Variants in RBFOX1 observed in about 807,000 individuals in gnomAD.
RBFOX1 encodes RNA binding fox-1 homolog 1.
RBFOX1 carries 8 observed loss-of-function variants against 57.7 expected under a neutral mutation model. The ratio of observed to expected loss-of-function variants is 0.14; its 90% CI spans 0.08 to 0.25. The LOEUF is 0.25. Ranked by LOEUF, RBFOX1 falls within the 10% of genes least tolerant of loss-of-function variation. The pLI is 1.00. For missense variants in RBFOX1, 611 were observed against 548.5 expected (o/e 1.11, Z -1.14); for synonymous variants, 326 against 222.4 (o/e 1.47, Z -4.15).
At chr16:6,069,205 C>A (rs1427508484) in intron 1 of RBFOX1, among the ~76,000 whole-genome samples, 1 of 151,960 alleles carries the variant, frequency 6.6e-6, no homozygotes, top group Admixed American at 6.6e-5. Flanking sequence ...TGGAGACCAG[C>A]CTGACCAATA....
chr16:7,697,605 C>T (rs1209799713), intron 14 of RBFOX1, among the ~76,000 whole-genome samples: 1 of 151,948 alleles, frequency 6.6e-6, no homozygotes, highest in Non-Finnish European at 1.5e-5. Flanking sequence ...AGGTGTTATC[C>T]CCATTTTGGA....
At chr16:5,474,274 A>T (rs1442325424) in intron 2 of RBFOX1, among the ~76,000 whole-genome samples, 3 of 152,230 alleles carry the variant, frequency 2.0e-5, no homozygotes, top group African/African-American at 7.2e-5. Flanking sequence ...TTCCACTTAC[A>T]CTATAGGCTG....
At chr16:7,705,444 G>C (rs1400956999) in intron 14 of RBFOX1, among the ~76,000 whole-genome samples, 2 of 151,716 alleles carry the variant, frequency 1.3e-5, no homozygotes, top group African/African-American at 2.4e-5. Context: ...GACGGAGCTT[G>C]CAGTGAGCCA....
At chr16:5,591,694 C>G (rs980346488) in intron 2 of RBFOX1, among the ~76,000 whole-genome samples, 2 of 152,160 alleles carry the variant, frequency 1.3e-5, no homozygotes, top group Non-Finnish European at 2.9e-5. Context: ...GTTTTCTCCC[C>G]GTCATTCCAT....
chr16:6,258,380 T>C (rs1159205935), intron 1 of RBFOX1, among the ~76,000 whole-genome samples: 1 of 152,230 alleles, frequency 6.6e-6, no homozygotes, highest in African/African-American at 2.4e-5. Flanking sequence ...GTTCATTGTG[T>C]TTCTAAAACA....
rs566233130 is a variant in RBFOX1, at chr16:7,033,720, G to A, written c.-15-18337G>A. On this transcript the variant is annotated intron_variant, in intron 3 of 15. Transcript: ENST00000550418. Reference sequence around the variant, plus strand: ...CAGTAGAAAGACATTTTGTCCGGGCGTGGCGACTTATGCCTGTAATCCCAG... The same window carrying A: ...CAGTAGAAAGACATTTTGTCCGGGCATGGCGACTTATGCCTGTAATCCCAG... Among the ~76,000 whole-genome samples the A allele has an allele frequency of 4.6e-5, 7 of 152,258 alleles. No individual in the cohort carries two copies. In the South Asian group the frequency reaches 8.3e-4, roughly 18 times the overall value.
At chr16:7,344,358 T>C (rs972609482) in intron 4 of RBFOX1, among the ~76,000 whole-genome samples, 1 of 150,246 alleles carries the variant, frequency 6.7e-6, no homozygotes. Context: ...ATTTTATATT[T>C]TATATTATTT....
chr16:5,650,512 A>G (rs183676874), intron 3 of RBFOX1, among the ~76,000 whole-genome samples: 1 of 152,194 alleles, frequency 6.6e-6, no homozygotes, highest in Non-Finnish European at 1.5e-5. Context: ...GTGATTAGTT[A>G]TAGGAAAATC....
chr16:6,161,127 G>C (rs565983605), intron 1 of RBFOX1, among the ~76,000 whole-genome samples: 1 of 152,280 alleles, frequency 6.6e-6, no homozygotes, highest in East Asian at 1.9e-4. Context: ...AGTGACTCAT[G>C]CTTGTCATCC....
chr16:6,096,419 C>T (rs780192829), intron 1 of RBFOX1, among the ~76,000 whole-genome samples: 7 of 152,160 alleles, frequency 4.6e-5, no homozygotes, highest in South Asian at 4.1e-4. Flanking sequence ...TTTGTGTAGC[C>T]GTGACAGCAT....
chr16:6,906,641 G>C (rs12444558), intron 3 of RBFOX1, among the ~76,000 whole-genome samples: 42,947 of 151,672 alleles, frequency 0.28, 6,269 homozygotes, highest in East Asian at 0.43. Context: ...CAGGAACAGC[G>C]TTTTCTTCAT....
At chr16:7,206,932 C>T (rs1261176136) in intron 4 of RBFOX1, among the ~76,000 whole-genome samples, 1 of 152,186 alleles carries the variant, frequency 6.6e-6, no homozygotes, top group East Asian at 1.9e-4. Context: ...TGGTCTGTTT[C>T]TGTTCTGTGT....
intron 3 of RBFOX1, among the ~76,000 whole-genome samples, chr16:6,886,481 G>A (rs568276502): frequency 1.7e-4 from 26 of 152,116 alleles, no homozygotes; most frequent in Non-Finnish European, 2.2e-4. Context: ...GGCCCAGCGC[G>A]GTGGCTCACA....
intron 2 of RBFOX1, among the ~76,000 whole-genome samples, chr16:6,529,421 T>G (rs945784734): frequency 6.6e-6 from 1 of 151,960 alleles, no homozygotes; most frequent in Non-Finnish European, 1.5e-5. Context: ...CAGTTGGGTG[T>G]GGTGGCACAC....
intron 3 of RBFOX1, among the ~76,000 whole-genome samples, chr16:5,756,256 C>G (rs1319188607): frequency 2.1e-5 from 3 of 145,192 alleles, no homozygotes; most frequent in Non-Finnish European, 4.5e-5. Context: ...AAACCCTGCA[C>G]CACCTCCTGC....
rs370836208 is a variant in RBFOX1 at position 6,644,939 on chromosome 16, C to T, written c.-63-9664C>T. 2.3e-4 allele frequency among the ~76,000 whole-genome samples: 35 copies of T among 152,258 alleles called. No individual in the cohort carries two copies. In the East Asian group the frequency reaches 5.2e-3, roughly 23 times the overall value. On this transcript the variant is annotated intron_variant, in intron 2 of 15. Transcript: ENST00000550418. ...CTCTGTATTTATTTTCTATGACTTC[C>T]GTAGCAAATCATCACAATCTAGGTG... is the stretch of plus-strand genomic sequence containing the variant.
At chr16:7,519,662 C>T in intron 5 of RBFOX1, 2 of 984,526 alleles carry the variant, frequency 2.0e-6, no homozygotes, top group South Asian at 4.7e-5. Context: ...CTGCAGAATT[C>T]TTTAGAAGCT....
intron 2 of RBFOX1, among the ~76,000 whole-genome samples, chr16:6,618,107 T>A (rs900859646): frequency 3.9e-5 from 6 of 152,034 alleles, no homozygotes; most frequent in Non-Finnish European, 8.8e-5. Context: ...TCCCCTTTCT[T>A]CCACCTTATC....
At position 5,669,922 on chromosome 16, in the gene RBFOX1, A is replaced by G. The variant is rs189693774; in HGVS notation, c.318+70961A>G. Among the ~76,000 whole-genome samples the G allele has an allele frequency of 5.2e-5, 8 of 152,382 alleles. No homozygotes were observed. In the East Asian group the frequency reaches 1.5e-3, roughly 29 times the overall value. ...ACATTGTTCACAATATCCAAAAGGTAGAAACTAATCAAAAGCCCATCGAGG... is the reference window on the plus strand; with the variant it reads ...ACATTGTTCACAATATCCAAAAGGTGGAAACTAATCAAAAGCCCATCGAGG... On this transcript the variant is annotated intron_variant, in intron 3 of 19. Coordinates refer to the RBFOX1 transcript ENST00000641259.
Sources: allele counts gnomAD v4.1 joint callset (sites outside exome capture counted in the v4.1 genomes callset), GRCh38; gene constraint gnomAD v4.1.1; transcripts MANE v1.5; gene names NCBI Gene and HGNC (gene_info 2026-07-23, HGNC 2026-07-21).